Variants in ZRANB3 observed in about 807,000 individuals in gnomAD.
The protein encoded by ZRANB3 is DNA annealing helicase and endonuclease ZRANB3.
ZRANB3 carries 125 observed loss-of-function variants against 133.8 expected under a neutral mutation model. The ratio of observed to expected loss-of-function variants is 0.93; its 90% confidence interval spans 0.81 to 1.08. ZRANB3 has a LOEUF of 1.08. ZRANB3 is among the 50% of genes least tolerant of loss of function. The pLI, the probability that ZRANB3 is intolerant of heterozygous loss-of-function variation, is 0.00. For missense variants in ZRANB3, 1,229 were observed against 1,275.5 expected, an observed-to-expected ratio of 0.96 and a Z score of 0.56; for synonymous variants, 387 against 432.7, an observed-to-expected ratio of 0.89 and a Z score of 1.31.
intron 2 of ZRANB3, among the ~76,000 whole-genome samples, chr2:135,394,868 G>T (rs530510662): frequency 1.4e-5 from 2 of 147,124 alleles, no homozygotes; most frequent in Non-Finnish European, 3.0e-5. Flanking sequence ...CCATAATCCC[G>T]AAGTGCTTTG....
Position 135,230,636 on chromosome 2 carries a change from C to A in ZRANB3, c.1831G>T (p.Ala611Ser). 10 of 1,613,674 alleles carry A rather than the reference C, an allele frequency of 6.2e-6. No homozygotes were observed. The highest frequency in any genetic ancestry group is 7.6e-6 in the Non-Finnish European group (9 of 1,179,814). Residue 611 changes from alanine (A) to serine (S), a missense_variant, in exon 13 of 21, where the codon GCC becomes TCC. Ala to Ser is a moderately conservative substitution (Grantham distance 99). Coordinates refer to ENST00000264159, the MANE Select transcript of ZRANB3 (RefSeq NM_032143.4). ...RTPLVESVQE[A>S]KAQLTTPAFP... ...GCTGGGGTGGTTAACTGGGCCTTGG[C>A]CTCCTGTACACTTTCCACGAGTGGA...
chr2:135,366,436 A>G (rs1685943292), intron 3 of ZRANB3, among the ~76,000 whole-genome samples: 1 of 152,210 alleles, frequency 6.6e-6, no homozygotes, highest in African/African-American at 2.4e-5. Flanking sequence ...TTGCCAAAAT[A>G]CAACAATTGA....
intron 4 of ZRANB3, among the ~76,000 whole-genome samples, chr2:135,351,462 C>T (rs1306455938): frequency 6.6e-6 from 1 of 151,754 alleles, no homozygotes; most frequent in Non-Finnish European, 1.5e-5. Flanking sequence ...AGGATGGTCT[C>T]GATCTTCTGA....
chr2:135,215,612 A>G (rs909600602), intron 17 of ZRANB3, among the ~76,000 whole-genome samples: 21 of 152,198 alleles, frequency 1.4e-4, no homozygotes, highest in Admixed American at 8.5e-4. Context: ...TGCCAGTTTG[A>G]CATAGTCTCA....
chr2:135,250,138 G>A (rs1236733400), intron 12 of ZRANB3, among the ~76,000 whole-genome samples: 1 of 152,206 alleles, frequency 6.6e-6, no homozygotes, highest in Non-Finnish European at 1.5e-5. Context: ...GCTGGGAACT[G>A]GAGCAAAAGT....
intron 15 of ZRANB3, among the ~76,000 whole-genome samples, chr2:135,223,612 G>A (rs1383138338): frequency 6.6e-6 from 1 of 152,144 alleles, no homozygotes; most frequent in Non-Finnish European, 1.5e-5. Flanking sequence ...ACAGGCATGA[G>A]CCACCACACC....
In ZRANB3 at chr2:135,277,069, G is replaced by A. The variant is rs534137825; in HGVS notation, c.967-1314C>T. The stretch of plus-strand genomic sequence containing the variant: ...TTGGATGGAGGAATCCTATATTGAT[G>A]ATAGGTATATCCTACAAAACTCATG... On this transcript the variant is annotated intron_variant, in intron 8 of 20. Coordinates refer to ENST00000264159, the MANE Select transcript of ZRANB3 (RefSeq NM_032143.4). 2.2e-4 allele frequency among the ~76,000 whole-genome samples: 33 copies of A among 152,256 alleles called. No homozygotes were observed. In the South Asian group the frequency reaches 5.8e-3, roughly 27 times the overall value.
chr2:135,322,418 A>G (rs1388224232), intron 6 of ZRANB3, among the ~76,000 whole-genome samples: 1 of 152,178 alleles, frequency 6.6e-6, no homozygotes, highest in Non-Finnish European at 1.5e-5. Flanking sequence ...GGAAACTGCC[A>G]TTTAAAAAAT....
intron 7 of ZRANB3, among the ~76,000 whole-genome samples, 163 bp downstream of exon 7, chr2:135,315,196 T>A (rs1683193231): frequency 6.6e-6 from 1 of 152,252 alleles, no homozygotes; most frequent in Non-Finnish European, 1.5e-5. Flanking sequence ...GAATTCTTCC[T>A]GCTTTCTTGC....
chr2:135,426,850 AAAAAAAAAAAAAAATAT>A lies in ZRANB3; in HGVS notation c.162-36047_162-36031del, dbSNP rs1689096228. ...CTGTCTCAAAAAAAAAAAAAAAAAA[AAAAAAAAAAAAAAATAT>A]ATATATATATATATATATATATATA... On this transcript the variant is annotated intron_variant, in intron 2 of 20. Transcript: ENST00000264159. Among the ~76,000 whole-genome samples, 3 of 59,478 alleles carry A rather than the reference AAAAAAAAAAAAAAATAT, an allele frequency of 5.0e-5. No individual in the cohort carries two copies. The South Asian group carries it at 2.6e-3, about 51-fold the overall frequency. 39.0% of individuals were successfully genotyped at this position (59,478 alleles called of 152,430 possible).
At chr2:135,294,150 G>A (rs1573851721) in intron 8 of ZRANB3, among the ~76,000 whole-genome samples, 1 of 152,250 alleles carries the variant, frequency 6.6e-6, no homozygotes, top group African/African-American at 2.4e-5. Flanking sequence ...CTATTGATTG[G>A]AATAGTTTCA....
At chr2:135,252,389 G>GA (rs759082786) in intron 12 of ZRANB3, among the ~76,000 whole-genome samples, 2 of 151,988 alleles carry the variant, frequency 1.3e-5, no homozygotes, top group East Asian at 3.9e-4. Flanking sequence ...TTATTTTGTA[G>GA]AAAAAAATCC....
intron 12 of ZRANB3, among the ~76,000 whole-genome samples, chr2:135,247,256 CCAA>C (rs1695838664): frequency 1.3e-5 from 2 of 152,110 alleles, no homozygotes; most frequent in Admixed American, 1.3e-4. Context: ...TGTAAACAAG[CCAA>C]CAAGAGTCTG....
At chr2:135,262,208 G>C (rs989715408) in intron 12 of ZRANB3, among the ~76,000 whole-genome samples, 1 of 112,010 alleles carries the variant, frequency 8.9e-6, no homozygotes, top group African/African-American at 3.2e-5. Flanking sequence ...TAAATTAAAA[G>C]AAAATCTTAC....
At chr2:135,360,441 T>G (rs1004491782) in intron 3 of ZRANB3, among the ~76,000 whole-genome samples, 1 of 151,492 alleles carries the variant, frequency 6.6e-6, no homozygotes, top group Non-Finnish European at 1.5e-5. Flanking sequence ...GCACGGTGGC[T>G]CATGCCTGTA....
chr2:135,488,280 A>G (rs1692212283), intron 2 of ZRANB3, among the ~76,000 whole-genome samples: 1 of 152,192 alleles, frequency 6.6e-6, no homozygotes, highest in Non-Finnish European at 1.5e-5. Flanking sequence ...ACTGATCACC[A>G]TAACGGATAA....
At chr2:135,339,335 C>T (rs575257194) in intron 6 of ZRANB3, among the ~76,000 whole-genome samples, 3 of 152,028 alleles carry the variant, frequency 2.0e-5, no homozygotes, top group South Asian at 2.1e-4. Context: ...CGCTTGAACC[C>T]GGGAGGCAGA....
chr2:135,409,481 T>A (rs1688206240), intron 2 of ZRANB3, among the ~76,000 whole-genome samples: 2 of 151,970 alleles, frequency 1.3e-5, no homozygotes, highest in South Asian at 4.2e-4. Context: ...GCATCAGGGA[T>A]ATACCTCAAA....
At chr2:135,353,722 T>C in intron 3 of ZRANB3, 94 bp from the exon 4 acceptor site, 1 of 860,488 alleles carries the variant, frequency 1.2e-6, no homozygotes, top group Non-Finnish European at 1.6e-6. Flanking sequence ...TATTATTAGC[T>C]GGGTGTGATG....
Sources: allele counts gnomAD v4.1 joint callset (sites outside exome capture counted in the v4.1 genomes callset), GRCh38; gene constraint gnomAD v4.1.1; transcripts MANE v1.5; gene names NCBI Gene and HGNC (gene_info 2026-07-23, HGNC 2026-07-21).